VPS13C: variants seen among roughly 807,000 people sequenced by gnomAD.
The protein encoded by VPS13C is vacuolar protein sorting 13 homolog C, also known as intermembrane lipid transfer protein VPS13C.
In VPS13C, 358 loss-of-function variants were observed where a neutral mutation model predicts 456.8. The ratio of observed to expected loss-of-function variants is 0.78; its 90% confidence interval spans 0.72 to 0.86. The LOEUF (loss-of-function observed/expected upper bound fraction) is 0.86. Ranked by LOEUF, VPS13C falls within the 40% of genes least tolerant of loss-of-function variation. VPS13C has a pLI of 0.00. For synonymous variants in VPS13C, 1,578 were observed against 1,486.7 expected, an observed-to-expected ratio of 1.06 and a Z score of -1.41; for missense variants, 4,818 against 4,385.4, an observed-to-expected ratio of 1.10 and a Z score of -2.79.
intron 55 of VPS13C, 50 bp from the exon 56 acceptor site, chr15:61,920,697 TAAAA>T (rs1166411428): frequency 6.6e-7 from 1 of 1,506,986 alleles, no homozygotes; most frequent in Non-Finnish European, 8.8e-7. Context: ...CAGTTGATAA[TAAAA>T]TAAAAATGCT....
chr15:61,888,216 G>A (rs974515066), intron 67 of VPS13C, among the ~76,000 whole-genome samples: 2 of 152,280 alleles, frequency 1.3e-5, no homozygotes, highest in South Asian at 2.1e-4. Flanking sequence ...AGGATGTGGA[G>A]CAACAGGAAC....
chr15:61,881,240 T>C (rs1895827005), intron 71 of VPS13C, among the ~76,000 whole-genome samples: 1 of 152,058 alleles, frequency 6.6e-6, no homozygotes, highest in Non-Finnish European at 1.5e-5. Flanking sequence ...GCATGTATGA[T>C]CCAATTTTTA....
chr15:61,888,563 C>T (rs1047166549), intron 67 of VPS13C, among the ~76,000 whole-genome samples: 2 of 151,992 alleles, frequency 1.3e-5, no homozygotes, highest in African/African-American at 4.8e-5. Context: ...AACAAAGGAA[C>T]CTTAAAAGCA....
chr15:61,960,455 A>G (rs1010976208), intron 35 of VPS13C, among the ~76,000 whole-genome samples: 1 of 152,214 alleles, frequency 6.6e-6, no homozygotes, highest in African/African-American at 2.4e-5. Context: ...GACAACTGGT[A>G]AAATCTGAAT....
intron 3 of VPS13C, among the ~76,000 whole-genome samples, chr15:62,038,990 G>A (rs968032598): frequency 1.3e-5 from 2 of 152,108 alleles, no homozygotes; most frequent in African/African-American, 4.8e-5. Context: ...GACTACTTGA[G>A]TACTGTTGGT....
intron 41 of VPS13C, 93 bp from the exon 42 acceptor site, chr15:61,949,698 A>G (rs1447780990): frequency 8.1e-7 from 1 of 1,228,006 alleles, no homozygotes; most frequent in Non-Finnish European, 1.1e-6. Context: ...AGAACAGTTC[A>G]ATTAAGGGCC....
intron 4 of VPS13C, among the ~76,000 whole-genome samples, 175 bp downstream of exon 4, chr15:62,034,782 G>A (rs1033255112): frequency 2.0e-5 from 3 of 151,576 alleles, no homozygotes; most frequent in African/African-American, 2.4e-5. Flanking sequence ...ACACAAATGC[G>A]GTAAGATATA....
At chr15:61,944,680 C>T (rs1228144064) in intron 45 of VPS13C, among the ~76,000 whole-genome samples, 1 of 152,094 alleles carries the variant, frequency 6.6e-6, no homozygotes, top group Non-Finnish European at 1.5e-5. Flanking sequence ...ATTCTCAGTA[C>T]TTGGGTGATG....
intron 14 of VPS13C, 59 bp from the exon 15 acceptor site, chr15:62,007,538 A>G: frequency 7.2e-7 from 1 of 1,393,930 alleles, no homozygotes; most frequent in Non-Finnish European, 9.5e-7. Flanking sequence ...GAAAACAGGA[A>G]AAGTCTTGAC....
At chr15:61,984,815 A>T in intron 19 of VPS13C, 42 bp downstream of exon 19, 1 of 1,588,928 alleles carries the variant, frequency 6.3e-7, no homozygotes, top group Admixed American at 1.7e-5. Flanking sequence ...GCCTAAAACT[A>T]TAACTAAAAG....
chr15:61,950,769 G>C (rs553628576), intron 40 of VPS13C, among the ~76,000 whole-genome samples, 176 bp downstream of exon 40: 2 of 151,986 alleles, frequency 1.3e-5, no homozygotes, highest in African/African-American at 4.8e-5. Context: ...CAATATCATA[G>C]GGTAACTCAG....
intron 19 of VPS13C, among the ~76,000 whole-genome samples, 200 bp downstream of exon 19, chr15:61,984,657 G>T (rs1022270028): frequency 3.3e-5 from 5 of 152,098 alleles, no homozygotes; most frequent in Admixed American, 6.5e-5. Context: ...CAAAGGAAAG[G>T]AGGGAGGGCA....
At chr15:62,038,771 C>T (rs1175552428) in intron 3 of VPS13C, among the ~76,000 whole-genome samples, 1 of 151,752 alleles carries the variant, frequency 6.6e-6, no homozygotes, top group East Asian at 1.9e-4. Context: ...AAAAAACAAC[C>T]CCATTCAAAA....
chr15:61,890,661 C>A (rs939760847), intron 66 of VPS13C, among the ~76,000 whole-genome samples: 15 of 152,148 alleles, frequency 9.9e-5, no homozygotes, highest in Non-Finnish European at 1.9e-4. Flanking sequence ...GGGCACAGAG[C>A]AGGATTCAAG....
rs2046940956 is a variant in VPS13C, at chr15:62,008,754, C to T, written c.1019G>A (p.Ser340Asn). The change falls in exon 14 of 85, where the codon AGT (serine) becomes AAT (asparagine). Residue 340 changes from serine to asparagine, a missense_variant. By Grantham distance (46) the Ser-to-Asn change is conservative. Transcript: ENST00000644861. The stretch of plus-strand genomic sequence containing the variant: ...CACTGACTCCAAAAGGTCAATCATA[C>T]TTAAGTACTGTTAAAACAAAAATAA... ...AIELTKPQYL[S>N]MIDLLESVDY... The T allele has an allele frequency of 3.8e-6, 6 of 1,574,246 alleles. No homozygotes were observed. The highest frequency in any genetic ancestry group is 1.8e-4 in the Middle Eastern group (1 of 5,454).
At chr15:61,877,106 AAAG>A in intron 74 of VPS13C, 52 bp from the exon 75 acceptor site, 1 of 1,421,586 alleles carries the variant, frequency 7.0e-7, no homozygotes, top group Non-Finnish European at 9.6e-7. Context: ...TATGATAAAA[AAAG>A]AGACTTAAAA....
intron 9 of VPS13C, among the ~76,000 whole-genome samples, chr15:62,015,431 C>T (rs377489225): frequency 9.2e-5 from 14 of 151,930 alleles, no homozygotes; most frequent in African/African-American, 2.9e-4. Flanking sequence ...TCCTTGCCCA[C>T]GCCTATGTCC....
intron 51 of VPS13C, 73 bp from the exon 52 acceptor site, chr15:61,927,393 G>T: frequency 8.7e-7 from 1 of 1,155,084 alleles, no homozygotes; most frequent in Non-Finnish European, 1.3e-6. Flanking sequence ...TTATCTACAA[G>T]TTGTTAAGTT....
In VPS13C at chr15:62,012,153, T is replaced by G. The variant is rs373665478; in HGVS notation, c.837A>C (p.Lys279Asn). The G allele has an allele frequency of 3.2e-6, 5 of 1,551,458 alleles. No individual in the cohort carries two copies. The African/African-American group carries it at 6.8e-5, about 21-fold the overall frequency. The change falls in exon 12 of 85, where the codon AAA becomes AAC. Residue 279 changes from lysine (K) to asparagine (N), a missense_variant. Around this residue, in one of 3 missense-constraint regions of VPS13C, gnomAD observed 4,552 missense variants for 4,130.6 expected, o/e 1.10. Transcript: ENST00000644861. ...RSREQILDQL[K>N]NEILTSGNIP... ...TATTTCCACTTGTAAGAATTTCATTTTTCAGCTGATCCTAAACAAAAAATT... is the reference window on the plus strand; with the variant it reads ...TATTTCCACTTGTAAGAATTTCATTGTTCAGCTGATCCTAAACAAAAAATT...
Sources: allele counts gnomAD v4.1 joint callset (sites outside exome capture counted in the v4.1 genomes callset), GRCh38; gene constraint gnomAD v4.1.1; regional missense constraint gnomAD v4.1.1; transcripts MANE v1.5; gene names NCBI Gene and HGNC (gene_info 2026-07-23, HGNC 2026-07-21).